Variants in S100A1 observed in about 807,000 individuals in gnomAD.
S100A1 encodes the protein S100 calcium binding protein A1, also known as protein S100-A1.
A neutral mutation model predicts 7.6 loss-of-function variants in S100A1; 3 were observed. That is an observed-to-expected ratio of 0.40 (90% CI 0.18 to 1.02). The LOEUF (loss-of-function observed/expected upper bound fraction) is 1.02. Among genes scored for constraint, S100A1 ranks in the 50% least tolerant of loss-of-function variants. The pLI, the probability that S100A1 is intolerant of heterozygous loss-of-function variation, is 0.35. For missense variants in S100A1, 126 were observed against 115.0 expected (o/e 1.10, Z -0.44); for synonymous variants, 49 against 49.0 (o/e 1.00, Z 0.00).
intron 1 of S100A1, 148 bp from the exon 2 acceptor site, chr1:153,630,361 A>T: frequency 9.8e-7 from 1 of 1,017,778 alleles, no homozygotes; most frequent in Non-Finnish European, 1.4e-6. Flanking sequence ...CACATTGTAA[A>T]ATCTCAGGGA....
chr1:153,630,654 T>C lies in S100A1; in HGVS notation c.133T>C (p.Phe45Leu). The change falls in exon 2 of 3, where the codon TTC becomes CTC. Residue 45 changes from phenylalanine (F) to leucine (L), a missense_variant. Physicochemically the swap from Phe to Leu is conservative, Grantham distance 22. Coordinates refer to ENST00000292169, the MANE Select transcript of S100A1 (RefSeq NM_006271.2). ...KELLQTELSG[F>L]LDAQKDVDAV... is the part of the protein sequence containing the mutation. ...GCTGCTGCAGACGGAGCTCTCTGGC[T>C]TCCTGGATGTGAGCATAGAGTGGTG... 1 of 1,614,186 alleles carries C rather than the reference T, an allele frequency of 6.2e-7. No homozygotes were observed. The highest frequency in any genetic ancestry group is 8.5e-7 in the Non-Finnish European group (1 of 1,180,020).
At chr1:153,630,339 T>G in intron 1 of S100A1, 170 bp from the exon 2 acceptor site, 2 of 803,356 alleles carry the variant, frequency 2.5e-6, no homozygotes, top group Non-Finnish European at 3.8e-6. Flanking sequence ...TTAGGTCTCT[T>G]GGGGTTTCCC....
intron 1 of S100A1, chr1:153,628,726 G>A: frequency 1.4e-6 from 1 of 731,432 alleles, no homozygotes; most frequent in Non-Finnish European, 2.1e-6. Context: ...CTCAGCAAAG[G>A]AGGAAGCCAG....
At chr1:153,631,406 A>G in intron 2 of S100A1, 1 of 1,432,618 alleles carries the variant, frequency 7.0e-7, no homozygotes. Flanking sequence ...CATTATTTGT[A>G]TTAGAATTAA....
At chr1:153,631,234 C>A (rs1417189340) in intron 2 of S100A1, 11 of 531,876 alleles carry the variant, frequency 2.1e-5, no homozygotes, top group Non-Finnish European at 3.7e-5. Context: ...AGTAAAGAAG[C>A]CTCAGGATAC....
chr1:153,629,579 TCTC>T (rs1287997501), intron 1 of S100A1: 2 of 152,384 alleles, frequency 1.3e-5, no homozygotes, highest in Admixed American at 1.3e-4. Context: ...TCTCCTTTCT[TCTC>T]CTACTCTCTC....
chr1:153,631,586 A>C, intron 2 of S100A1, 112 bp from the exon 3 acceptor site: 1 of 1,613,836 alleles, frequency 6.2e-7, no homozygotes, highest in South Asian at 1.1e-5. Context: ...CCATAATTCA[A>C]TGCAGTTCCT....
In S100A1 at chr1:153,632,013, C is replaced by T; in HGVS notation, c.*172C>T. 1 of 650,876 alleles carries T rather than the reference C, an allele frequency of 1.5e-6. No individual in the cohort carries two copies. Among genetic ancestry groups the T allele is most frequent in the Non-Finnish European group, 2.5e-6 (1 of 403,206 alleles). The allele number at this position is 650,876 out of a possible 1,614,324, so 40.3% of individuals were successfully genotyped here. ...CGGTCCAAGCCTGCAACTCATCTTT[C>T]ATTAAAGGCTTCTCTCTCACCAGCC... On this transcript the variant is annotated 3_prime_UTR_variant, in exon 3 of 3. Coordinates refer to ENST00000292169, the MANE Select transcript of S100A1 (RefSeq NM_006271.2).
At chr1:153,631,450 G>C in intron 2 of S100A1, 1 of 1,567,590 alleles carries the variant, frequency 6.4e-7, no homozygotes, top group Non-Finnish European at 8.7e-7. Context: ...CTAGTGTAGT[G>C]CTTGCTTTAT....
rs1667953873 is a variant in S100A1 at position 153,630,585 on chromosome 1, A to G, written c.64A>G (p.Lys22Glu). ...CAACGTGTTCCACGCCCACTCGGGC[A>G]AAGAGGGGGACAAGTACAAGCTGAG... is the stretch of plus-strand genomic sequence containing the variant. ...LINVFHAHSG[K>E]EGDKYKLSKK... Residue 22 changes from lysine (K) to glutamate (E), a missense_variant, in exon 2 of 3, where the codon AAA becomes GAA. Transcript: ENST00000292169. The G allele has an allele frequency of 6.2e-7, 1 of 1,614,260 alleles. No homozygotes were observed. Among genetic ancestry groups the G allele is most frequent in the Non-Finnish European group, 8.5e-7 (1 of 1,180,044 alleles).
chr1:153,631,778 G>A lies in S100A1; in HGVS notation c.222G>A (p.Glu74=). ...GAGACGGGGAGGTGGACTTCCAGGA[G>A]TATGTGGTGCTTGTGGCTGCTCTCA... The part of the protein sequence containing the change: ...ENGDGEVDFQ[E]YVVLVAALTV... Residue 74 remains glutamate, a synonymous_variant, in exon 3 of 3, where the codon GAG becomes GAA. Coordinates refer to ENST00000292169, the MANE Select transcript of S100A1 (RefSeq NM_006271.2). 6.2e-7 allele frequency: 1 copy of A among 1,614,200 alleles called. No individual in the cohort carries two copies. Among genetic ancestry groups the A allele is most frequent in the Middle Eastern group, 1.6e-4 (1 of 6,062 alleles).
chr1:153,630,331 A>C, intron 1 of S100A1, 178 bp from the exon 2 acceptor site: 1 of 725,522 alleles, frequency 1.4e-6, no homozygotes, highest in Non-Finnish European at 2.2e-6. Context: ...GCCTGCACTT[A>C]GGTCTCTTGG....
At chr1:153,630,726 C>T in intron 2 of S100A1, 64 bp downstream of exon 2, 1 of 1,575,180 alleles carries the variant, frequency 6.3e-7, no homozygotes, top group East Asian at 2.3e-5. Flanking sequence ...GGTGGACACC[C>T]CCTTGCTATC....
chr1:153,630,875 C>A, intron 2 of S100A1: 1 of 580,556 alleles, frequency 1.7e-6, no homozygotes, highest in Non-Finnish European at 3.0e-6. Flanking sequence ...AAGTGTTAGG[C>A]CCTGTGTAGA....
chr1:153,631,296 G>T, intron 2 of S100A1: 1 of 678,412 alleles, frequency 1.5e-6, no homozygotes, highest in Non-Finnish European at 2.4e-6. Flanking sequence ...TCAAATTCCA[G>T]CCCTGCTACT....
intron 1 of S100A1, chr1:153,630,283 C>T (rs1242656173): frequency 5.4e-5 from 30 of 557,928 alleles, no homozygotes; most frequent in East Asian, 4.7e-4. Context: ...CCCTGATTCC[C>T]TCTGGCTGGG....
chr1:153,631,370 G>T, intron 2 of S100A1: 3 of 1,255,572 alleles, frequency 2.4e-6, no homozygotes, highest in South Asian at 1.5e-5. Context: ...TTCTTCTCTA[G>T]AATGGAAATA....
At chr1:153,630,198 G>A (rs1667925034) in intron 1 of S100A1, 2 of 445,066 alleles carry the variant, frequency 4.5e-6, no homozygotes, top group Admixed American at 4.0e-5. Flanking sequence ...ATCCCTGCCT[G>A]GGCAGCCACT....
chr1:153,631,924 A>T lies in S100A1; in HGVS notation c.*83A>T. The T allele has an allele frequency of 1.3e-6, 2 of 1,534,274 alleles. No homozygotes were observed. ...CCCCTGCTTCCACCTCACCCCACTT[A>T]TCCCTCTCCATAACCCCACCCTTGC... On this transcript the variant is annotated 3_prime_UTR_variant, in exon 3 of 3. Coordinates refer to ENST00000292169, the MANE Select transcript of S100A1 (RefSeq NM_006271.2).
Sources: allele counts gnomAD v4.1 joint callset, GRCh38; gene constraint gnomAD v4.1.1; transcripts MANE v1.5; gene names NCBI Gene and HGNC (gene_info 2026-07-23, HGNC 2026-07-21).